AKAP13: variants seen among roughly 807,000 people sequenced by gnomAD.
AKAP13 encodes the protein A-kinase anchoring protein 13, also known as A-kinase anchor protein 13.
AKAP13 carries 80 observed loss-of-function variants against 264.5 expected under a neutral mutation model. The ratio of observed to expected loss-of-function variants is 0.30; its 90% CI spans 0.25 to 0.36. AKAP13 has a LOEUF of 0.36. AKAP13 is among the 10% of genes least tolerant of loss of function. The pLI, the probability that AKAP13 is intolerant of heterozygous loss-of-function variation, is 1.00. For synonymous variants in AKAP13, 1,380 were observed against 1,250.2 expected (o/e 1.10, Z -2.19); for missense variants, 3,712 against 3,435.2 (o/e 1.08, Z -2.01).
chr15:85,721,953 C>T (rs377025097), intron 23 of AKAP13, 38 bp from the exon 24 acceptor site: 16 of 1,609,742 alleles, frequency 9.9e-6, no homozygotes, highest in South Asian at 2.2e-5. Context: ...ATGAGTTTGG[C>T]GCCCCATGGC....
At chr15:85,629,518 G>A (rs1251310154) in intron 8 of AKAP13, among the ~76,000 whole-genome samples, 2 of 152,022 alleles carry the variant, frequency 1.3e-5, no homozygotes, top group African/African-American at 4.8e-5. Context: ...ACTCATTGGG[G>A]AGATCCGTTA....
chr15:85,722,843 C>T (rs1351635698), intron 25 of AKAP13, among the ~76,000 whole-genome samples: 3 of 151,834 alleles, frequency 2.0e-5, no homozygotes, highest in African/African-American at 7.3e-5. Context: ...TATTTCAGAG[C>T]ACAACATATG....
intron 1 of AKAP13, among the ~76,000 whole-genome samples, chr15:85,463,598 A>C (rs2151005509): frequency 6.6e-6 from 1 of 152,328 alleles, no homozygotes; most frequent in East Asian, 1.9e-4. Context: ...TGTAGTGAAC[A>C]CTGGATCTTT....
At chr15:85,559,145 G>C (rs2344437) in intron 5 of AKAP13, among the ~76,000 whole-genome samples, 100,834 of 151,866 alleles carry the variant, frequency 0.66, 33,588 homozygotes, top group Middle Eastern at 0.78. Context: ...TTCTCGCTTT[G>C]AAAATAATTT....
At chr15:85,613,713 T>TATATGTATGTATA (rs1254657975) in intron 8 of AKAP13, among the ~76,000 whole-genome samples, 3 of 111,026 alleles carry the variant, frequency 2.7e-5, no homozygotes, top group East Asian at 6.9e-4. Context: ...TATATATATA[T>TATATGTATGTATA]TAGGAGTGCT....
At chr15:85,686,173 G>A (rs2084908758) in intron 16 of AKAP13, among the ~76,000 whole-genome samples, 2 of 108,178 alleles carry the variant, frequency 1.8e-5, no homozygotes, top group Non-Finnish European at 3.6e-5. Context: ...GTGTATGTGT[G>A]TGTGTGCACG....
intron 2 of AKAP13, among the ~76,000 whole-genome samples, chr15:85,511,294 G>A (rs897743433): frequency 3.3e-5 from 5 of 152,072 alleles, no homozygotes; most frequent in African/African-American, 4.8e-5. Context: ...GAACACCAGC[G>A]TCTAGTCATT....
intron 1 of AKAP13, among the ~76,000 whole-genome samples, chr15:85,421,880 T>C (rs2072540259): frequency 6.6e-6 from 1 of 152,278 alleles, no homozygotes; most frequent in South Asian, 2.1e-4. Flanking sequence ...AAGGAACATT[T>C]GCAATTTGGT....
chr15:85,503,862 T>C (rs2076107766), intron 2 of AKAP13, among the ~76,000 whole-genome samples: 1 of 152,168 alleles, frequency 6.6e-6, no homozygotes, highest in Admixed American at 6.6e-5. Flanking sequence ...GTTCATGAAT[T>C]CTCAGGGGCT....
At position 85,693,193 on chromosome 15, in the gene AKAP13, A is replaced by G. The variant is rs930725002; in HGVS notation, c.5290-84A>G. ...TCCAAAATAGTCACCAGCTGTTGTT[A>G]ACCACATGCCATCTGGGTGCCCAGG... On this transcript the variant is annotated intron_variant, in intron 16 of 36. Coordinates refer to ENST00000394518, the MANE Select transcript of AKAP13 (RefSeq NM_007200.5). The G allele has an allele frequency of 2.8e-6, 4 of 1,429,208 alleles. No homozygotes were observed. The African/African-American group carries it at 5.9e-5, about 21-fold the overall frequency. The allele number at this position is 1,429,208 out of a possible 1,614,324, so 88.5% of individuals were successfully genotyped here.
At chr15:85,405,554 G>GTTTA (rs1343321344) in intron 1 of AKAP13, among the ~76,000 whole-genome samples, 1 of 152,124 alleles carries the variant, frequency 6.6e-6, no homozygotes, top group African/African-American at 2.4e-5. Context: ...GCTAGATGCT[G>GTTTA]TTTATTTGCC....
chr15:85,658,167 A>G (rs1267380233), intron 11 of AKAP13, among the ~76,000 whole-genome samples: 2 of 152,174 alleles, frequency 1.3e-5, no homozygotes, highest in Non-Finnish European at 2.9e-5. Flanking sequence ...TGAGGTTTTA[A>G]TTAGTTTGGC....
intron 3 of AKAP13, 104 bp from the exon 4 acceptor site, chr15:85,533,480 G>A (rs118160363): frequency 0.014 from 16,578 of 1,145,622 alleles, 132 homozygotes; most frequent in Non-Finnish European, 0.017. Flanking sequence ...TTTTTTAGGA[G>A]GAGAAATTTG....
chr15:85,527,308 C>A (rs945704551), intron 3 of AKAP13, among the ~76,000 whole-genome samples: 4 of 152,032 alleles, frequency 2.6e-5, no homozygotes, highest in Admixed American at 6.5e-5. Context: ...AACTTTGGAA[C>A]CATGAACACA....
chr15:85,717,951 G>A, intron 21 of AKAP13, 56 bp from the exon 22 acceptor site: 1 of 1,566,620 alleles, frequency 6.4e-7, no homozygotes, highest in Non-Finnish European at 8.7e-7. Flanking sequence ...GTCCAACATA[G>A]GCTTATTTTA....
chr15:85,693,342 T>C lies in AKAP13; in HGVS notation c.5355T>C (p.Asp1785=). Reference sequence around the variant, plus strand: ...AAGATTCTAAAGACAAGGAGAAAGATAAGAAGACTGTCAACGGGCACACTT... The same window carrying C: ...AAGATTCTAAAGACAAGGAGAAAGACAAGAAGACTGTCAACGGGCACACTT... ...KEKDSKDKEK[D]KKTVNGHTFS... The change falls in exon 17 of 37, where the codon GAT becomes GAC. Residue 1785 remains aspartate (D), a synonymous_variant. Transcript: ENST00000394518. The C allele has an allele frequency of 6.2e-7, 1 of 1,613,708 alleles. No homozygotes were observed. Among genetic ancestry groups the C allele is most frequent in the Non-Finnish European group, 8.5e-7 (1 of 1,179,928 alleles).
chr15:85,498,263 T>C lies in AKAP13; in HGVS notation c.33+12510T>C, dbSNP rs146204506. Among the ~76,000 whole-genome samples, 798 of 148,998 alleles carry C rather than the reference T, an allele frequency of 5.4e-3. 4 individuals carry two copies. Among genetic ancestry groups the C allele is most frequent in the Non-Finnish European group, 8.6e-3 (583 of 67,608 alleles). On this transcript the variant is annotated intron_variant, in intron 2 of 36. Transcript: ENST00000394518. Reference sequence around the variant, plus strand: ...GAGATCATAGATAAAACTTTAGATATAGGTGGTTTTAAAAAGAGACGTACC... The same window carrying C: ...GAGATCATAGATAAAACTTTAGATACAGGTGGTTTTAAAAAGAGACGTACC...
At chr15:85,557,849 T>C (rs2078208174) in intron 5 of AKAP13, among the ~76,000 whole-genome samples, 1 of 152,338 alleles carries the variant, frequency 6.6e-6, no homozygotes, top group African/African-American at 2.4e-5. Flanking sequence ...ATAACAACAA[T>C]AATAAAGACT....
In AKAP13 at chr15:85,485,594, C is replaced by T. The variant is rs1475121173; in HGVS notation, c.-11-116C>T. 2.2e-5 allele frequency: 18 copies of T among 817,246 alleles called. No homozygotes were observed. In the South Asian group the frequency reaches 2.9e-4, roughly 13 times the overall value. The allele number at this position is 817,246 out of a possible 1,614,324, so 50.6% of individuals were successfully genotyped here. Reference sequence around the variant, plus strand: ...AGCATACAGCTGGGCATATGGTAATCTCGGGCACGGGATTGTACTCACAGA... The same window carrying T: ...AGCATACAGCTGGGCATATGGTAATTTCGGGCACGGGATTGTACTCACAGA... On this transcript the variant is annotated intron_variant, in intron 1 of 36. Coordinates refer to ENST00000394518, the MANE Select transcript of AKAP13 (RefSeq NM_007200.5).
Sources: allele counts gnomAD v4.1 joint callset (sites outside exome capture counted in the v4.1 genomes callset), GRCh38; gene constraint gnomAD v4.1.1; transcripts MANE v1.5; gene names NCBI Gene and HGNC (gene_info 2026-07-23, HGNC 2026-07-21).